ROBO2: variants seen among roughly 807,000 people sequenced by gnomAD.
ROBO2 encodes the protein roundabout homolog 2.
ROBO2 carries 53 observed loss-of-function variants against 160.8 expected under a neutral mutation model. That is an observed-to-expected ratio of 0.33 (90% CI 0.26 to 0.41). The LOEUF (loss-of-function observed/expected upper bound fraction) is 0.41, where lower values mean the gene tolerates loss of function less well. ROBO2 is among the 10% of genes least tolerant of loss of function. The pLI is 1.00. For synonymous variants in ROBO2, 664 were observed against 611.7 expected (o/e 1.09, Z -1.26); for missense variants, 1,577 against 1,722.4 (o/e 0.92, Z 1.49).
intron 2 of ROBO2, among the ~76,000 whole-genome samples, chr3:77,338,034 C>G (rs138012840): frequency 1.3e-5 from 2 of 152,148 alleles, no homozygotes; most frequent in Admixed American, 1.3e-4. Flanking sequence ...TAAACAACTT[C>G]AATCAGTAAT....
chr3:76,547,556 A>T (rs2083179041), intron 2 of ROBO2, among the ~76,000 whole-genome samples: 1 of 152,094 alleles, frequency 6.6e-6, no homozygotes, highest in Non-Finnish European at 1.5e-5. Flanking sequence ...ATGTAAAATT[A>T]TTATTATATT....
chr3:76,899,590 A>G (rs1261066542), intron 2 of ROBO2, among the ~76,000 whole-genome samples: 1 of 152,170 alleles, frequency 6.6e-6, no homozygotes, highest in Non-Finnish European at 1.5e-5. Context: ...TTATAAAGAT[A>G]TGGACTTGTC....
intron 4 of ROBO2, among the ~76,000 whole-genome samples, chr3:77,491,808 A>T (rs2086152266): frequency 6.6e-6 from 1 of 152,054 alleles, no homozygotes; most frequent in Non-Finnish European, 1.5e-5. Flanking sequence ...GAGTACGGAT[A>T]CTCTAGCATA....
intron 2 of ROBO2, among the ~76,000 whole-genome samples, chr3:75,966,914 A>G (rs1397312970): frequency 6.6e-6 from 1 of 151,694 alleles, no homozygotes; most frequent in East Asian, 2.0e-4. Flanking sequence ...ATTTTCACAT[A>G]TACAATTAAT....
At chr3:77,488,076 C>T (rs981510749) in intron 4 of ROBO2, among the ~76,000 whole-genome samples, 6 of 152,098 alleles carry the variant, frequency 3.9e-5, no homozygotes, top group Admixed American at 1.3e-4. Flanking sequence ...GACATAACTA[C>T]AAGAGACTTG....
intron 2 of ROBO2, among the ~76,000 whole-genome samples, chr3:77,402,209 T>C (rs559614031): frequency 1.4e-5 from 2 of 147,328 alleles, no homozygotes; most frequent in African/African-American, 2.7e-5. Flanking sequence ...CACCACATGT[T>C]CTCACTCTTA....
intron 2 of ROBO2, among the ~76,000 whole-genome samples, chr3:77,110,692 TATATAGAG>T (rs2073460546): frequency 1.3e-5 from 2 of 149,124 alleles, no homozygotes; most frequent in South Asian, 4.2e-4. Context: ...TACATATATA[TATATAGAG>T]AGAGAGAGAG....
At chr3:76,025,303 G>A (rs905396934) in intron 2 of ROBO2, among the ~76,000 whole-genome samples, 2 of 151,728 alleles carry the variant, frequency 1.3e-5, no homozygotes, top group South Asian at 4.1e-4. Context: ...GAATTAGAGG[G>A]TGTTACGTAG....
intron 2 of ROBO2, among the ~76,000 whole-genome samples, chr3:76,167,190 C>G (rs893755934): frequency 6.6e-6 from 1 of 152,238 alleles, no homozygotes; most frequent in South Asian, 2.1e-4. Flanking sequence ...ATCCACCTGC[C>G]TCAGCCATCT....
intron 2 of ROBO2, among the ~76,000 whole-genome samples, chr3:77,164,390 G>C (rs1014289616): frequency 5.0e-5 from 5 of 99,010 alleles, no homozygotes; most frequent in African/African-American, 1.1e-4. Context: ...GAGGGAGGTG[G>C]GGGGTCAGCC....
chr3:77,063,713 A>C (rs2066551823), intron 1 of ROBO2, among the ~76,000 whole-genome samples: 1 of 152,202 alleles, frequency 6.6e-6, no homozygotes, highest in African/African-American at 2.4e-5. Context: ...GAAGTGTTTA[A>C]TAAATATTCG....
At position 76,831,069 on chromosome 3, in the gene ROBO2, A is replaced by G. The variant is rs147650649; in HGVS notation, c.110-266945A>G. The stretch of plus-strand genomic sequence containing the variant: ...GAATTGCTGCCATTATCTTACATTT[A>G]TTCTTTTTCTCAGCATTTATCACAG... On this transcript the variant is annotated intron_variant, in intron 2 of 26. Coordinates refer to the ROBO2 transcript ENST00000487694. Among the ~76,000 whole-genome samples the G allele has an allele frequency of 7.9e-5, 12 of 152,282 alleles. No individual in the cohort carries two copies. The East Asian group carries it at 2.3e-3, about 29-fold the overall frequency.
At chr3:76,086,742 A>C (rs1037874970) in intron 2 of ROBO2, among the ~76,000 whole-genome samples, 1 of 152,206 alleles carries the variant, frequency 6.6e-6, no homozygotes, top group African/African-American at 2.4e-5. Context: ...ATTATTAGAC[A>C]AGAAATTTTT....
chr3:77,015,965 A>ATTTTTT (rs560481757), intron 2 of ROBO2, among the ~76,000 whole-genome samples: 1 of 151,456 alleles, frequency 6.6e-6, no homozygotes, highest in Non-Finnish European at 1.5e-5. Context: ...CTAATATGTT[A>ATTTTTT]TTTTTTTTAT....
At chr3:76,064,380 G>C (rs2068175080) in intron 2 of ROBO2, among the ~76,000 whole-genome samples, 1 of 152,120 alleles carries the variant, frequency 6.6e-6, no homozygotes, top group Admixed American at 6.6e-5. Flanking sequence ...TCCCATTATA[G>C]ATGGTTGCCT....
chr3:77,299,682 A>G (rs1316153713), intron 2 of ROBO2, among the ~76,000 whole-genome samples: 2 of 152,192 alleles, frequency 1.3e-5, no homozygotes, highest in Non-Finnish European at 2.9e-5. Context: ...TATGGGAACT[A>G]TAATTCAACA....
rs73097758 is a variant in ROBO2, at chr3:77,404,063, G to A, written c.389-73351G>A. Reference sequence around the variant, plus strand: ...TTTTTTATTATGAGGAAAGAATTGGGGAATAATAATTCCTCATAACACTGA... The same window carrying A: ...TTTTTTATTATGAGGAAAGAATTGGAGAATAATAATTCCTCATAACACTGA... On this transcript the variant is annotated intron_variant, in intron 2 of 25. Coordinates refer to ENST00000461745, the Ensembl canonical transcript of ROBO2. Among the ~76,000 whole-genome samples the A allele has an allele frequency of 9.2e-3, 1,402 of 151,988 alleles. 15 individuals carry two copies. The highest frequency in any genetic ancestry group is 0.012 in the Non-Finnish European group (817 of 67,996).
intron 1 of ROBO2, among the ~76,000 whole-genome samples, chr3:77,093,293 T>A (rs2070575203): frequency 6.6e-6 from 1 of 152,196 alleles, no homozygotes; most frequent in Non-Finnish European, 1.5e-5. Context: ...ACACTTTAGA[T>A]GTCCAAAATG....
intron 2 of ROBO2, among the ~76,000 whole-genome samples, chr3:76,243,277 T>A (rs1705412817): frequency 1.3e-5 from 2 of 152,132 alleles, no homozygotes. Flanking sequence ...TGCCGGTCCT[T>A]CTATTTTTCT....
Sources: allele counts gnomAD v4.1 joint callset (sites outside exome capture counted in the v4.1 genomes callset), GRCh38; gene constraint gnomAD v4.1.1; transcripts MANE v1.5; gene names NCBI Gene and HGNC (gene_info 2026-07-23, HGNC 2026-07-21).